The following GMDS variants were observed in gnomAD, a reference collection of about 807,000 sequenced individuals.
GMDS encodes the protein GDP-mannose 4,6 dehydratase.
GMDS carries 20 observed loss-of-function variants against 49.9 expected under a neutral mutation model. That is an observed-to-expected ratio of 0.40 (90% CI 0.28 to 0.58). The LOEUF (loss-of-function observed/expected upper bound fraction) is 0.58, where lower values mean the gene tolerates loss of function less well. Among genes scored for constraint, GMDS ranks in the 20% least tolerant of loss-of-function variants. The pLI, the probability that GMDS is intolerant of heterozygous loss-of-function variation, is 0.42. For synonymous variants in GMDS, 177 were observed against 178.6 expected (o/e 0.99, Z 0.07); for missense variants, 362 against 481.4 (o/e 0.75, Z 2.32).
In GMDS at chr6:1,949,169, T is replaced by G. The variant is rs143299694; in HGVS notation, c.643+10698A>C. 1.2e-3 allele frequency: 249 copies of G among 212,266 alleles called. 1 individual carries two copies. The highest frequency in any genetic ancestry group is 1.8e-3 in the Non-Finnish European group (220 of 122,888). The allele number at this position is 212,266 out of a possible 1,614,324, so 13.1% of individuals were successfully genotyped here. On this transcript the variant is annotated intron_variant, in intron 6 of 10. Coordinates refer to ENST00000380815, the MANE Select transcript of GMDS (RefSeq NM_001500.4). Reference sequence around the variant, plus strand: ...TGAAATAAATCTTCAAAATCTACTATGCACTGTATTAATCTTTTCCCTGTA... The same window carrying G: ...TGAAATAAATCTTCAAAATCTACTAGGCACTGTATTAATCTTTTCCCTGTA...
At chr6:2,172,431 G>A (rs769326874) in intron 1 of GMDS, among the ~76,000 whole-genome samples, 27 of 152,232 alleles carry the variant, frequency 1.8e-4, no homozygotes, top group Non-Finnish European at 2.8e-4. Context: ...AGTGGCTCAC[G>A]CCTGCAATCC....
chr6:1,624,331 G>T, intron 10 of GMDS, 100 bp from the exon 11 acceptor site: 1 of 1,311,748 alleles, frequency 7.6e-7, no homozygotes, highest in Non-Finnish European at 1.1e-6. Context: ...CGCGTCCCTC[G>T]TTCCAGCTCC....
intron 1 of GMDS, among the ~76,000 whole-genome samples, chr6:2,194,772 A>C (rs1005410655): frequency 6.6e-6 from 1 of 152,268 alleles, no homozygotes; most frequent in Non-Finnish European, 1.5e-5. Flanking sequence ...TCCTTGACAA[A>C]AATTAATACC....
At chr6:1,971,067 G>C (rs1764581611) in intron 4 of GMDS, among the ~76,000 whole-genome samples, 1 of 152,142 alleles carries the variant, frequency 6.6e-6, no homozygotes, top group Non-Finnish European at 1.5e-5. Flanking sequence ...GTGATCATCA[G>C]CATGAGCAAA....
chr6:2,037,098 C>T (rs1193342892), intron 4 of GMDS, among the ~76,000 whole-genome samples: 1 of 152,114 alleles, frequency 6.6e-6, no homozygotes, highest in Non-Finnish European at 1.5e-5. Flanking sequence ...ACTTAGGGAG[C>T]TGAAGAAATG....
chr6:1,840,298 C>T (rs1019673761), intron 7 of GMDS, among the ~76,000 whole-genome samples: 10 of 152,194 alleles, frequency 6.6e-5, no homozygotes, highest in African/African-American at 2.4e-4. Context: ...ACCCCTCTCA[C>T]GCTCTGCCTC....
At chr6:1,750,144 T>C (rs550147162) in intron 7 of GMDS, among the ~76,000 whole-genome samples, 1 of 152,344 alleles carries the variant, frequency 6.6e-6, no homozygotes, top group African/African-American at 2.4e-5. Flanking sequence ...TAATACCTCA[T>C]ATTTCAAGTT....
At chr6:2,005,164 G>A (rs180697959) in intron 4 of GMDS, among the ~76,000 whole-genome samples, 1 of 152,220 alleles carries the variant, frequency 6.6e-6, no homozygotes, top group East Asian at 1.9e-4. Flanking sequence ...CTGTTACTGT[G>A]AGTTTTAATA....
chr6:1,664,002 C>A (rs907915180), intron 9 of GMDS, among the ~76,000 whole-genome samples: 8 of 151,984 alleles, frequency 5.3e-5, no homozygotes, highest in Non-Finnish European at 7.4e-5. Context: ...CGGTAGGCAC[C>A]CAGTAAGAAT....
intron 7 of GMDS, among the ~76,000 whole-genome samples, chr6:1,748,270 ATATT>A (rs1767593335): frequency 1.3e-5 from 2 of 152,114 alleles, no homozygotes; most frequent in South Asian, 2.1e-4. Flanking sequence ...TTCTAGTTAT[ATATT>A]TATTTCTTCT....
In GMDS at chr6:2,222,864, T is replaced by C. The variant is rs528114569; in HGVS notation, c.102+22457A>G. 3.9e-5 allele frequency among the ~76,000 whole-genome samples: 6 copies of C among 152,284 alleles called. No homozygotes were observed. The South Asian group carries it at 1.0e-3, about 26-fold the overall frequency. ...TGCCTAGATGTTGCTCTGAAGGCTA[T>C]TTTTTAGATGTGATTAACATTTAAA... On this transcript the variant is annotated intron_variant, in intron 1 of 10. Transcript: ENST00000380815.
chr6:1,634,028 T>C (rs1763072647), intron 9 of GMDS, among the ~76,000 whole-genome samples: 7 of 152,236 alleles, frequency 4.6e-5, no homozygotes, highest in Admixed American at 4.6e-4. Flanking sequence ...CTGTGTGTCT[T>C]TTTAAAAAGG....
intron 9 of GMDS, among the ~76,000 whole-genome samples, chr6:1,647,501 A>G (rs1370794964): frequency 6.6e-6 from 1 of 152,184 alleles, no homozygotes; most frequent in East Asian, 1.9e-4. Flanking sequence ...ATACCAGAGG[A>G]TATGGTCACT....
At chr6:2,139,842 C>T (rs540379338) in intron 1 of GMDS, among the ~76,000 whole-genome samples, 1 of 152,198 alleles carries the variant, frequency 6.6e-6, no homozygotes, top group East Asian at 1.9e-4. Flanking sequence ...AACTACTTTG[C>T]AATGAAAAGA....
intron 4 of GMDS, among the ~76,000 whole-genome samples, chr6:2,094,466 A>T (rs1773483170): frequency 6.6e-6 from 1 of 152,270 alleles, no homozygotes; most frequent in Admixed American, 6.5e-5. Flanking sequence ...CATGACTGCC[A>T]ATAAAGCAAA....
At chr6:1,978,351 T>G (rs561047791) in intron 4 of GMDS, among the ~76,000 whole-genome samples, 1 of 152,162 alleles carries the variant, frequency 6.6e-6, no homozygotes, top group East Asian at 1.9e-4. Context: ...CTCCCTGGGA[T>G]GGAGTGCCTG....
intron 4 of GMDS, among the ~76,000 whole-genome samples, chr6:2,000,012 T>TA (rs1766671979): frequency 7.2e-4 from 14 of 19,380 alleles, no homozygotes; most frequent in African/African-American, 2.4e-3. Context: ...ATATATATTT[T>TA]TTATATATAT....
At position 1,624,501 on chromosome 6, in the gene GMDS, G is replaced by C; in HGVS notation, c.1027C>G (p.Leu343Val). 1 of 1,613,922 alleles carries C rather than the reference G, an allele frequency of 6.2e-7. No individual in the cohort carries two copies. Among genetic ancestry groups the C allele is most frequent in the Non-Finnish European group, 8.5e-7 (1 of 1,179,810 alleles). The change falls in exon 10 of 11, where the codon CTG becomes GTG. Residue 343 changes from leucine (L) to valine (V), a missense_variant. Physicochemically the swap from Leu to Val is conservative, Grantham distance 32 (BLOSUM62 1). Coordinates refer to ENST00000380815, the MANE Select transcript of GMDS (RefSeq NM_001500.4). ...QGDCTKAKQKLNWKPRVAFDE... is the reference protein window; with the variant it reads ...QGDCTKAKQKVNWKPRVAFDE... ...AAAGCGACCCGGGGCTTCCAGTTCA[G>C]CTTCTGTTTCGCTTTGGTGCAGTCG...
At position 2,226,510 on chromosome 6, in the gene GMDS, C is replaced by T. The variant is rs368865269; in HGVS notation, c.102+18811G>A. On this transcript the variant is annotated intron_variant, in intron 1 of 10. Transcript: ENST00000380815. ...GAGTATATCATTAACAAAAGTTAATCGATAAATACTCCAGAGCAATAGCCC... is the reference window on the plus strand; with the variant it reads ...GAGTATATCATTAACAAAAGTTAATTGATAAATACTCCAGAGCAATAGCCC... 8.0e-4 allele frequency among the ~76,000 whole-genome samples: 122 copies of T among 152,154 alleles called. No homozygotes were observed. The South Asian group carries it at 0.022, about 28-fold the overall frequency.
Sources: gnomAD v4.1 joint callset for allele counts (sites outside exome capture counted in the v4.1 genomes callset) on GRCh38, gnomAD v4.1.1 for gene constraint, MANE v1.5 for transcripts, NCBI Gene and HGNC (gene_info 2026-07-23, HGNC 2026-07-21) for gene names.